Variants in GLI3 observed in about 807,000 individuals in gnomAD.
GLI3 encodes the protein GLI family zinc finger 3.
Under a neutral mutation model 100.8 loss-of-function variants are expected in GLI3, and 20 were observed. The observed-to-expected ratio is 0.20, with a 90% CI of 0.14 to 0.29. The LOEUF is 0.29. GLI3 is among the 10% of genes least tolerant of loss of function. The pLI is 1.00. For missense variants in GLI3, 2,040 were observed against 2,128.5 expected (o/e 0.96, Z 0.82); for synonymous variants, 938 against 860.5 (o/e 1.09, Z -1.58).
chr7:42,014,830 T>A (rs1434513736), intron 10 of GLI3, among the ~76,000 whole-genome samples: 1 of 152,064 alleles, frequency 6.6e-6, no homozygotes, highest in Non-Finnish European at 1.5e-5. Context: ...CACCAGGTGG[T>A]GACGATGGAT....
chr7:42,124,559 A>C (rs1786080406), intron 3 of GLI3, among the ~76,000 whole-genome samples: 1 of 152,174 alleles, frequency 6.6e-6, no homozygotes, highest in African/African-American at 2.4e-5. Context: ...TCCGTGTACT[A>C]TTAGTAATTC....
chr7:42,186,619 A>C (rs868395832), intron 2 of GLI3, among the ~76,000 whole-genome samples: 16 of 152,354 alleles, frequency 1.1e-4, no homozygotes, highest in South Asian at 2.1e-4. Context: ...TATGGAACGC[A>C]AAATTCAGGG....
chr7:42,008,838 T>C (rs1788530774), intron 10 of GLI3, among the ~76,000 whole-genome samples: 2 of 152,378 alleles, frequency 1.3e-5, no homozygotes, highest in African/African-American at 2.4e-5. Flanking sequence ...TTATAGTTGA[T>C]TAAAGGTCCT....
intron 2 of GLI3, among the ~76,000 whole-genome samples, chr7:42,197,962 G>A (rs901195541): frequency 6.6e-6 from 1 of 152,160 alleles, no homozygotes; most frequent in Non-Finnish European, 1.5e-5. Flanking sequence ...ATATAGGTGT[G>A]GCCGCCCCAA....
At chr7:42,131,612 C>A (rs146788643) in intron 3 of GLI3, among the ~76,000 whole-genome samples, 81 of 152,194 alleles carry the variant, frequency 5.3e-4, no homozygotes, top group Middle Eastern at 3.4e-3. Flanking sequence ...AAAAACATAG[C>A]AGATGTGGTT....
chr7:41,982,284 ATC>A (rs1307166923), intron 10 of GLI3, among the ~76,000 whole-genome samples: 1 of 152,252 alleles, frequency 6.6e-6, no homozygotes. Context: ...AAAGGGAGGC[ATC>A]TCTCTGCCTG....
intron 10 of GLI3, among the ~76,000 whole-genome samples, chr7:42,017,461 T>C (rs1423615194): frequency 1.3e-5 from 2 of 152,048 alleles, no homozygotes; most frequent in African/African-American, 2.4e-5. Context: ...CAGTCACCCA[T>C]AACTGTTCAC....
At chr7:42,194,963 C>T (rs112382945) in intron 2 of GLI3, among the ~76,000 whole-genome samples, 3 of 152,074 alleles carry the variant, frequency 2.0e-5, no homozygotes, top group African/African-American at 7.2e-5. Flanking sequence ...GACAGGGTTT[C>T]ACCATGTTGG....
At chr7:42,193,752 C>T (rs1787873601) in intron 2 of GLI3, among the ~76,000 whole-genome samples, 1 of 152,118 alleles carries the variant, frequency 6.6e-6, no homozygotes, top group African/African-American at 2.4e-5. Context: ...AGACCCCATC[C>T]CATCTTATTT....
At chr7:42,247,811 A>G (rs535458750) in intron 1 of GLI3, among the ~76,000 whole-genome samples, 93 of 152,316 alleles carry the variant, frequency 6.1e-4, no homozygotes, top group Non-Finnish European at 1.3e-4. Flanking sequence ...CTCCTTGTAC[A>G]AGGAGTTTCT....
In GLI3 at chr7:42,026,191, C is replaced by A; in HGVS notation, c.1242+8G>T. ...GCACGGCCGGGTGCATCGACCTGTC[C>A]CTCTCACCTGTGAGGACTCAGAAGG... is the stretch of plus-strand genomic sequence containing the variant. On this transcript the variant is annotated splice_region_variant and intron_variant, in intron 8 of 14. Transcript: ENST00000395925. 6.2e-7 allele frequency: 1 copy of A among 1,605,354 alleles called. No individual in the cohort carries two copies. The highest frequency in any genetic ancestry group is 2.2e-5 in the East Asian group (1 of 44,688).
intron 10 of GLI3, among the ~76,000 whole-genome samples, chr7:42,000,081 C>T (rs1369227084): frequency 2.0e-5 from 3 of 152,188 alleles, no homozygotes; most frequent in Admixed American, 6.5e-5. Flanking sequence ...GAGCCAAGCA[C>T]GCTCATCTGT....
At chr7:41,973,825 G>T (rs1787432121) in intron 12 of GLI3, among the ~76,000 whole-genome samples, 1 of 152,084 alleles carries the variant, frequency 6.6e-6, no homozygotes, top group Non-Finnish European at 1.5e-5. Context: ...GAAACTGAGA[G>T]GTTTCACCTC....
chr7:42,183,468 G>C (rs1255941662), intron 2 of GLI3, among the ~76,000 whole-genome samples: 4 of 152,096 alleles, frequency 2.6e-5, no homozygotes, highest in African/African-American at 4.8e-5. Flanking sequence ...CCCCAGCCAG[G>C]GCCATAGCAA....
chr7:42,031,515 C>T (rs535291206), intron 7 of GLI3, among the ~76,000 whole-genome samples: 12 of 152,336 alleles, frequency 7.9e-5, no homozygotes, highest in African/African-American at 2.6e-4. Flanking sequence ...TCCTAATGTC[C>T]ACCCCAGATA....
chr7:42,041,720 A>G (rs1014249891), intron 6 of GLI3, among the ~76,000 whole-genome samples: 2 of 152,216 alleles, frequency 1.3e-5, no homozygotes, highest in Non-Finnish European at 2.9e-5. Context: ...ATGGTTCTTG[A>G]TACAAGATAA....
At chr7:42,090,401 C>A (rs1785192211) in intron 3 of GLI3, among the ~76,000 whole-genome samples, 2 of 152,182 alleles carry the variant, frequency 1.3e-5, no homozygotes, top group African/African-American at 4.8e-5. Flanking sequence ...TCTTATGGGA[C>A]CACTGTCTTA....
rs550429700 is a variant in GLI3, at chr7:42,168,336, G to A, written c.125-19868C>T. Among the ~76,000 whole-genome samples the A allele has an allele frequency of 3.1e-4, 47 of 152,250 alleles. 1 individual carries two copies. The South Asian group carries it at 9.7e-3, about 32-fold the overall frequency. On this transcript the variant is annotated intron_variant, in intron 2 of 14. Transcript: ENST00000395925. ...AGGGGAGAGGAGAGAATAAAGATGTGGGCACAAGAAAGTTTGTGAAAATAT... is the reference window on the plus strand; with the variant it reads ...AGGGGAGAGGAGAGAATAAAGATGTAGGCACAAGAAAGTTTGTGAAAATAT...
chr7:42,189,521 T>C (rs1787784469), intron 2 of GLI3, among the ~76,000 whole-genome samples: 1 of 152,198 alleles, frequency 6.6e-6, no homozygotes, highest in Admixed American at 6.5e-5. Flanking sequence ...CAGGAAAAGC[T>C]GTAATCAGCC....
Sources: gnomAD v4.1 joint callset for allele counts (sites outside exome capture counted in the v4.1 genomes callset) on GRCh38, gnomAD v4.1.1 for gene constraint, MANE v1.5 for transcripts, NCBI Gene and HGNC (gene_info 2026-07-23, HGNC 2026-07-21) for gene names.